The following LDB2 variants were observed in gnomAD, a reference collection of about 807,000 sequenced individuals.
LDB2 encodes LIM domain-binding protein 2.
In LDB2, 12 loss-of-function variants were observed where a neutral mutation model predicts 44.3. The observed-to-expected ratio is 0.27, with a 90% CI of 0.17 to 0.44. LDB2 has a LOEUF of 0.44. Ranked by LOEUF, LDB2 falls within the 20% of genes least tolerant of loss-of-function variation. The probability of loss-of-function intolerance (pLI) is 1.00; values close to 1 mark genes in which losing one functional copy is unlikely to be tolerated. For missense variants in LDB2, 344 were observed against 473.5 expected (o/e 0.73, Z 2.54); for synonymous variants, 164 against 174.8 (o/e 0.94, Z 0.49).
chr4:16,782,541 G>A (rs187498556), intron 1 of LDB2, among the ~76,000 whole-genome samples: 3 of 152,024 alleles, frequency 2.0e-5, no homozygotes, highest in South Asian at 2.1e-4. Flanking sequence ...TAGTAGAGAC[G>A]GGGTTTCACC....
intron 5 of LDB2, among the ~76,000 whole-genome samples, chr4:16,555,137 GA>G (rs1272437637): frequency 3.6e-5 from 5 of 140,780 alleles, no homozygotes; most frequent in African/African-American, 1.0e-4. Context: ...AAGGCAACTA[GA>G]AAAAAAAATA....
At chr4:16,897,898 ATATATATATATATATAT>A (rs1725544766) in intron 1 of LDB2, among the ~76,000 whole-genome samples, 4 of 60,498 alleles carry the variant, frequency 6.6e-5, no homozygotes, top group Admixed American at 1.5e-4. Flanking sequence ...AAAAGAAAAT[ATATATATATATATATAT>A]ATATATATAT....
intron 1 of LDB2, among the ~76,000 whole-genome samples, chr4:16,871,914 G>A (rs960305927): frequency 2.0e-5 from 3 of 152,018 alleles, no homozygotes; most frequent in South Asian, 2.1e-4. Context: ...GAGCTACCGC[G>A]CCCAGCCCAC....
At chr4:16,503,345 C>G (rs1011080303) in intron 7 of LDB2, among the ~76,000 whole-genome samples, 1 of 152,118 alleles carries the variant, frequency 6.6e-6, no homozygotes, top group Non-Finnish European at 1.5e-5. Flanking sequence ...AATATTCACA[C>G]AACTCATTCC....
intron 1 of LDB2, among the ~76,000 whole-genome samples, chr4:16,849,756 T>C (rs529198784): frequency 6.6e-6 from 1 of 152,344 alleles, no homozygotes; most frequent in East Asian, 1.9e-4. Flanking sequence ...TAATTCCCTC[T>C]TATCACTCTC....
chr4:16,735,575 A>AC (rs969941776), intron 2 of LDB2, among the ~76,000 whole-genome samples: 19 of 151,184 alleles, frequency 1.3e-4, no homozygotes, highest in Admixed American at 8.5e-4. Flanking sequence ...CGGACAGAAA[A>AC]AAAAACAGCA....
rs1356256776 is a variant in LDB2, at chr4:16,719,362, T to C, written c.235+39796A>G. On this transcript the variant is annotated intron_variant, in intron 2 of 7. Coordinates refer to ENST00000304523, the MANE Select transcript of LDB2 (RefSeq NM_001290.5). ...TGATAAGCTCATTAGCTTGACAGAA[T>C]ATATTCATAAGATCAATGTAGTCAG... Among the ~76,000 whole-genome samples the C allele has an allele frequency of 4.6e-5, 7 of 152,180 alleles. No homozygotes were observed. The East Asian group carries it at 5.8e-4, about 13-fold the overall frequency.
chr4:16,631,066 G>A (rs1011088070), intron 2 of LDB2, among the ~76,000 whole-genome samples: 2 of 152,158 alleles, frequency 1.3e-5, no homozygotes, highest in Admixed American at 6.5e-5. Context: ...CTTGAACTCA[G>A]CTCTGGACCA....
intron 2 of LDB2, among the ~76,000 whole-genome samples, chr4:16,653,092 T>G (rs1251179581): frequency 6.6e-6 from 1 of 152,164 alleles, no homozygotes; most frequent in East Asian, 1.9e-4. Context: ...AAGTTAACTG[T>G]TGTGAGTGGC....
At chr4:16,711,798 C>G (rs544307521) in intron 2 of LDB2, among the ~76,000 whole-genome samples, 2 of 152,184 alleles carry the variant, frequency 1.3e-5, no homozygotes, top group South Asian at 4.2e-4. Flanking sequence ...CATTTACAAC[C>G]AACTGATTTT....
In LDB2 at chr4:16,792,915, G is replaced by C. The variant is rs551944098; in HGVS notation, c.133-33655C>G. ...CATCAATTTGGGGGTTCAAATCCCA[G>C]CTCTGCTCCATTCTTGCTGTGTGAT... On this transcript the variant is annotated intron_variant, in intron 1 of 7. Coordinates refer to ENST00000304523, the MANE Select transcript of LDB2 (RefSeq NM_001290.5). Among the ~76,000 whole-genome samples, 45 of 152,306 alleles carry C rather than the reference G, an allele frequency of 3.0e-4. 1 individual carries two copies. Among genetic ancestry groups the C allele is most frequent in the Middle Eastern group, 6.8e-3 (2 of 294 alleles).
chr4:16,515,876 A>AT (rs1560330993), intron 5 of LDB2, among the ~76,000 whole-genome samples: 4 of 150,926 alleles, frequency 2.7e-5, no homozygotes, highest in East Asian at 3.9e-4. Context: ...TTATTTATTT[A>AT]TTTTTTTGAG....
intron 1 of LDB2, among the ~76,000 whole-genome samples, chr4:16,896,483 A>C (rs565866707): frequency 1.3e-5 from 2 of 152,210 alleles, no homozygotes; most frequent in African/African-American, 4.8e-5. Context: ...CCAAGTGCTC[A>C]GTAATGGGCA....
intron 2 of LDB2, among the ~76,000 whole-genome samples, chr4:16,679,407 C>G (rs914281354): frequency 2.0e-5 from 3 of 152,104 alleles, no homozygotes; most frequent in African/African-American, 7.2e-5. Context: ...GTGATGAGTG[C>G]TAACGTTTTT....
chr4:16,739,688 GTATA>G (rs1762768434), intron 2 of LDB2, among the ~76,000 whole-genome samples: 1 of 57,254 alleles, frequency 1.7e-5, no homozygotes, highest in Non-Finnish European at 3.6e-5. Context: ...GTGTATATAT[GTATA>G]TATACATATA....
intron 2 of LDB2, among the ~76,000 whole-genome samples, chr4:16,711,629 G>C (rs1473695978): frequency 6.6e-6 from 1 of 152,152 alleles, no homozygotes; most frequent in African/African-American, 2.4e-5. Context: ...GGAGGCAGGG[G>C]ACCAGTTAGG....
intron 7 of LDB2, among the ~76,000 whole-genome samples, chr4:16,503,789 T>C (rs1718261012): frequency 6.6e-6 from 1 of 152,218 alleles, no homozygotes; most frequent in African/African-American, 2.4e-5. Context: ...CTAATCACTC[T>C]TTTAAGTACA....
At chr4:16,555,271 T>C (rs1560458608) in intron 5 of LDB2, among the ~76,000 whole-genome samples, 2 of 152,210 alleles carry the variant, frequency 1.3e-5, no homozygotes, top group Non-Finnish European at 2.9e-5. Context: ...ACAAACGTTG[T>C]TCTAAACCAA....
chr4:16,723,812 G>A (rs544122923), intron 2 of LDB2, among the ~76,000 whole-genome samples: 1 of 152,002 alleles, frequency 6.6e-6, no homozygotes, highest in Non-Finnish European at 1.5e-5. Context: ...TAAAATGCCT[G>A]TGAATGAGAG....
Sources: allele counts gnomAD v4.1 joint callset (sites outside exome capture counted in the v4.1 genomes callset), GRCh38; gene constraint gnomAD v4.1.1; transcripts MANE v1.5; gene names NCBI Gene and HGNC (gene_info 2026-07-23, HGNC 2026-07-21).